The following MOB3B variants were observed in gnomAD, a reference collection of about 807,000 sequenced individuals.
The protein encoded by MOB3B is MOB kinase activator-like 2B.
Under a neutral mutation model 18.7 loss-of-function variants are expected in MOB3B, and 7 were observed. The observed-to-expected ratio is 0.37, with a 90% CI of 0.21 to 0.70. The LOEUF is 0.70. MOB3B is among the 30% of genes least tolerant of loss of function. The pLI is 0.52. For missense variants in MOB3B, 253 were observed against 281.3 expected (o/e 0.90, Z 0.72); for synonymous variants, 111 against 99.9 (o/e 1.11, Z -0.66).
chr9:27,460,946 A>G (rs953928491), intron 1 of MOB3B, among the ~76,000 whole-genome samples: 8 of 152,208 alleles, frequency 5.3e-5, no homozygotes, highest in Non-Finnish European at 1.0e-4. Context: ...TGGGGACTCT[A>G]TGTCAATCTG....
intron 2 of MOB3B, among the ~76,000 whole-genome samples, chr9:27,428,234 A>G (rs546088875): frequency 1.3e-5 from 2 of 152,298 alleles, no homozygotes; most frequent in African/African-American, 2.4e-5. Flanking sequence ...ATGATCTAGT[A>G]TATCTGTGCT....
chr9:27,372,913 G>C (rs1259269496), intron 2 of MOB3B, among the ~76,000 whole-genome samples: 1 of 152,242 alleles, frequency 6.6e-6, no homozygotes, highest in African/African-American at 2.4e-5. Flanking sequence ...TGTTTTGTGA[G>C]ATGTTAGCGA....
At chr9:27,525,817 G>A (rs41272883) in intron 1 of MOB3B, among the ~76,000 whole-genome samples, 12,190 of 152,256 alleles carry the variant, frequency 0.08, 643 homozygotes, top group Non-Finnish European at 0.11. Flanking sequence ...ACTACATTCT[G>A]TGAGTTAATT....
intron 2 of MOB3B, among the ~76,000 whole-genome samples, chr9:27,382,008 G>A (rs971557980): frequency 2.6e-5 from 4 of 152,076 alleles, no homozygotes; most frequent in Non-Finnish European, 5.9e-5. Context: ...TCTAGCTTCG[G>A]GCCTTGGAGT....
At chr9:27,446,484 A>C (rs1822694412) in intron 2 of MOB3B, among the ~76,000 whole-genome samples, 2 of 152,214 alleles carry the variant, frequency 1.3e-5, no homozygotes, top group African/African-American at 4.8e-5. Context: ...TCATCCCATG[A>C]ATGTCTACCT....
rs556666008 is a variant in MOB3B, at chr9:27,424,858, C to T, written c.418+30275G>A. On this transcript the variant is annotated intron_variant, in intron 2 of 3. Coordinates refer to ENST00000262244, the MANE Select transcript of MOB3B (RefSeq NM_024761.5). Reference sequence around the variant, plus strand: ...AGCCATCCATGTTCCATACTTGTGTCGTAAGAACCAAAACTCTAGAGAGAA... The same window carrying T: ...AGCCATCCATGTTCCATACTTGTGTTGTAAGAACCAAAACTCTAGAGAGAA... 3.2e-4 allele frequency among the ~76,000 whole-genome samples: 48 copies of T among 152,244 alleles called. No homozygotes were observed. In the South Asian group the frequency reaches 7.1e-3, roughly 22 times the overall value.
chr9:27,528,782 G>A (rs1030136291), intron 1 of MOB3B, among the ~76,000 whole-genome samples: 3 of 152,182 alleles, frequency 2.0e-5, no homozygotes, highest in Admixed American at 6.5e-5. Flanking sequence ...GAGCGCGAGG[G>A]GGGGGATCCC....
At chr9:27,442,608 C>T (rs1822610089) in intron 2 of MOB3B, among the ~76,000 whole-genome samples, 1 of 152,206 alleles carries the variant, frequency 6.6e-6, no homozygotes, top group African/African-American at 2.4e-5. Context: ...CTGCTATTCA[C>T]CTTGGCTCCA....
At chr9:27,408,136 G>A (rs1052847805) in intron 2 of MOB3B, among the ~76,000 whole-genome samples, 22 of 152,108 alleles carry the variant, frequency 1.4e-4, no homozygotes, top group African/African-American at 3.9e-4. Flanking sequence ...ATGTGCCTCC[G>A]AAATAATGTG....
chr9:27,472,204 T>C (rs559886903), intron 1 of MOB3B, among the ~76,000 whole-genome samples: 7 of 152,162 alleles, frequency 4.6e-5, no homozygotes, highest in East Asian at 1.9e-4. Flanking sequence ...TTGGGTAGTT[T>C]ATTTGTTTTT....
At chr9:27,358,962 T>C (rs971648898) in intron 3 of MOB3B, 72 bp downstream of exon 3, 60 of 1,458,528 alleles carry the variant, frequency 4.1e-5, no homozygotes, top group Non-Finnish European at 5.8e-5. Context: ...TTCCAGGGAT[T>C]GACAATGCGC....
intron 2 of MOB3B, among the ~76,000 whole-genome samples, chr9:27,427,428 G>C (rs1822350152): frequency 6.6e-6 from 1 of 152,240 alleles, no homozygotes; most frequent in Admixed American, 6.5e-5. Context: ...TTTGAAGAGA[G>C]ATGTCTGCAA....
At chr9:27,448,907 T>C (rs1822737656) in intron 2 of MOB3B, among the ~76,000 whole-genome samples, 1 of 152,202 alleles carries the variant, frequency 6.6e-6, no homozygotes, top group South Asian at 2.1e-4. Context: ...GGATCAAATG[T>C]AGGTAACCTT....
At chr9:27,513,850 A>T (rs149841689) in intron 1 of MOB3B, among the ~76,000 whole-genome samples, 1 of 152,282 alleles carries the variant, frequency 6.6e-6, no homozygotes, top group East Asian at 1.9e-4. Context: ...TGTGTCAGGC[A>T]TCATCTCCTT....
At chr9:27,505,339 A>G (rs1027103162) in intron 1 of MOB3B, among the ~76,000 whole-genome samples, 1 of 152,124 alleles carries the variant, frequency 6.6e-6, no homozygotes, top group Non-Finnish European at 1.5e-5. Flanking sequence ...CCTGCCCCAA[A>G]TCAGCTTTTC....
intron 2 of MOB3B, among the ~76,000 whole-genome samples, chr9:27,411,660 GAAAT>G (rs1822068436): frequency 6.6e-6 from 1 of 152,144 alleles, no homozygotes; most frequent in African/African-American, 2.4e-5. Flanking sequence ...AACAAAGAAA[GAAAT>G]AAATAAACAT....
At chr9:27,438,718 C>A (rs973166700) in intron 2 of MOB3B, among the ~76,000 whole-genome samples, 1 of 152,090 alleles carries the variant, frequency 6.6e-6, no homozygotes, top group African/African-American at 2.4e-5. Context: ...CTTGCGGCGC[C>A]TGAAATAACA....
chr9:27,514,345 CAAAA>C (rs34526085), intron 1 of MOB3B, among the ~76,000 whole-genome samples: 35 of 77,632 alleles, frequency 4.5e-4, no homozygotes, highest in Non-Finnish European at 7.9e-4. Flanking sequence ...ACCACAAGCT[CAAAA>C]AAAAAAAAAA....
At position 27,524,987 on chromosome 9, in the gene MOB3B, T is replaced by A. The variant is rs73643405; in HGVS notation, c.-199+4568A>T. ...GTATATTTTTGGAATTAAAATTCCT[T>A]TTCCCTCCGAAATCTCTTTCTCCTT... is the stretch of plus-strand genomic sequence containing the variant. On this transcript the variant is annotated intron_variant, in intron 1 of 3. Transcript: ENST00000262244. 7,170 of 1,521,432 alleles carry A rather than the reference T, an allele frequency of 4.7e-3. 300 individuals carry two copies. In the African/African-American group the frequency reaches 0.086, roughly 18 times the overall value. The allele number at this position is 1,521,432 out of a possible 1,614,324, so 94.2% of individuals were successfully genotyped here. A position where few individuals can be genotyped will look rare whatever the true frequency, so the allele number is the denominator to read the frequency against.
Sources: allele counts gnomAD v4.1 joint callset (sites outside exome capture counted in the v4.1 genomes callset), GRCh38; gene constraint gnomAD v4.1.1; transcripts MANE v1.5; gene names NCBI Gene and HGNC (gene_info 2026-07-23, HGNC 2026-07-21).